The following BICC1 variants were observed in gnomAD, a reference collection of about 807,000 sequenced individuals.
The protein encoded by BICC1 is protein bicaudal C homolog 1.
In BICC1, 43 loss-of-function variants were observed where a neutral mutation model predicts 111.0. That is an observed-to-expected ratio of 0.39 (90% confidence interval 0.30 to 0.50). The LOEUF is 0.50. Ranked by LOEUF, BICC1 falls within the 20% of genes least tolerant of loss-of-function variation. The pLI, the probability that BICC1 is intolerant of heterozygous loss-of-function variation, is 0.88. For missense variants in BICC1, 1,091 were observed against 1,203.2 expected, an observed-to-expected ratio of 0.91 and a Z score of 1.38; for synonymous variants, 467 against 434.4, an observed-to-expected ratio of 1.07 and a Z score of -0.93.
At chr10:58,682,552 T>C (rs1216365265) in intron 2 of BICC1, among the ~76,000 whole-genome samples, 8 of 152,188 alleles carry the variant, frequency 5.3e-5, no homozygotes, top group Non-Finnish European at 1.0e-4. Context: ...TTTTTAATGA[T>C]TGCCATTCTA....
chr10:58,622,754 G>A (rs1202946220), intron 2 of BICC1, among the ~76,000 whole-genome samples: 1 of 152,200 alleles, frequency 6.6e-6, no homozygotes, highest in African/African-American at 2.4e-5. Context: ...AGACATTATG[G>A]TTCATCTACA....
chr10:58,828,810 C>T lies in BICC1; in HGVS notation c.2844C>T (p.Thr948=), dbSNP rs1000478323. ...TTTTTGAATCGCCAAATGCACGCACCTCTTTCCTGGAAGGTGGAGCGAGTG... is the reference window on the plus strand; with the variant it reads ...TTTTTGAATCGCCAAATGCACGCACTTCTTTCCTGGAAGGTGGAGCGAGTG... The part of the protein sequence containing the change: ...RKLFESPNAR[T]SFLEGGASGR... Residue 948 remains threonine (T), a synonymous_variant, in exon 21 of 21, where the codon ACC becomes ACT. Coordinates refer to ENST00000373886, the MANE Select transcript of BICC1 (RefSeq NM_001080512.3). 6.2e-7 allele frequency: 1 copy of T among 1,613,906 alleles called. No homozygotes were observed. Among genetic ancestry groups the T allele is most frequent in the Non-Finnish European group, 8.5e-7 (1 of 1,179,870 alleles).
At chr10:58,714,505 T>TA (rs1409164602) in intron 3 of BICC1, among the ~76,000 whole-genome samples, 1 of 152,212 alleles carries the variant, frequency 6.6e-6, no homozygotes, top group African/African-American at 2.4e-5. Context: ...TATGCCTTTG[T>TA]GCCTGCTTCA....
chr10:58,578,230 T>C (rs1408189973), intron 1 of BICC1, among the ~76,000 whole-genome samples: 1 of 152,238 alleles, frequency 6.6e-6, no homozygotes, highest in Non-Finnish European at 1.5e-5. Flanking sequence ...ATTTCAACTT[T>C]AATATCTTGA....
chr10:58,830,543 T>C lies in BICC1; in HGVS notation c.*1652T>C, dbSNP rs1844525258. The C allele has an allele frequency of 6.6e-6, 1 of 152,162 alleles. No homozygotes were observed. Among genetic ancestry groups the C allele is most frequent in the South Asian group, 2.1e-4 (1 of 4,828 alleles). The allele number at this position is 152,162 out of a possible 1,614,324, so 9.4% of individuals were successfully genotyped here. A position where few individuals can be genotyped will look rare whatever the true frequency, so the allele number is the denominator to read the frequency against. ...ATAAGAAATACTTGCCTGACACTTT[T>C]CCATGGCTGAGTCTGACCATTACAG... On this transcript the variant is annotated 3_prime_UTR_variant, in exon 21 of 21. Coordinates refer to ENST00000373886, the MANE Select transcript of BICC1 (RefSeq NM_001080512.3).
intron 3 of BICC1, among the ~76,000 whole-genome samples, chr10:58,742,303 G>A (rs1841693119): frequency 6.6e-6 from 1 of 151,968 alleles, no homozygotes; most frequent in Admixed American, 6.6e-5. Flanking sequence ...GAAGTATACT[G>A]TCTAGCTCTT....
In BICC1 at chr10:58,513,035, C is replaced by G. The variant is rs1202108782; in HGVS notation, c.-109C>G. 5 of 808,654 alleles carry G rather than the reference C, an allele frequency of 6.2e-6. No homozygotes were observed. The highest frequency in any genetic ancestry group is 1.8e-5 in the African/African-American group (1 of 54,720). The allele number at this position is 808,654 out of a possible 1,614,324, so 50.1% of individuals were successfully genotyped here. ...GGTGGCGTCGGCGGCTGCAGGGGGA[C>G]GAGCTAGCGCCGCGGCGCTGGGAGC... is the stretch of plus-strand genomic sequence containing the variant. On this transcript the variant is annotated 5_prime_UTR_variant, in exon 1 of 21. Coordinates refer to ENST00000373886, the MANE Select transcript of BICC1 (RefSeq NM_001080512.3).
intron 1 of BICC1, among the ~76,000 whole-genome samples, chr10:58,609,078 C>T (rs980959725): frequency 6.6e-6 from 1 of 152,170 alleles, no homozygotes; most frequent in Non-Finnish European, 1.5e-5. Context: ...CATGTTATTA[C>T]AAATACAAAA....
chr10:58,690,337 G>A (rs1341773740), intron 2 of BICC1, among the ~76,000 whole-genome samples: 1 of 152,328 alleles, frequency 6.6e-6, no homozygotes, highest in East Asian at 1.9e-4. Flanking sequence ...AAAGATCCAT[G>A]CAGAATTCTT....
At chr10:58,567,498 T>C (rs565959084) in intron 1 of BICC1, among the ~76,000 whole-genome samples, 198 of 151,938 alleles carry the variant, frequency 1.3e-3, no homozygotes, top group African/African-American at 4.5e-3. Flanking sequence ...ATGTATGTCT[T>C]TTGGGGTGTA....
At chr10:58,818,709 A>G (rs539782048) in intron 19 of BICC1, among the ~76,000 whole-genome samples, 62 of 151,988 alleles carry the variant, frequency 4.1e-4, no homozygotes, top group Non-Finnish European at 7.2e-4. Flanking sequence ...TTTCCCCTAC[A>G]TCTGAGTTAG....
intron 3 of BICC1, among the ~76,000 whole-genome samples, chr10:58,762,476 A>G (rs903597852): frequency 2.6e-5 from 4 of 152,146 alleles, no homozygotes; most frequent in Admixed American, 6.5e-5. Flanking sequence ...TATCTGGCCA[A>G]AAATGTGGTC....
chr10:58,527,487 A>G (rs1842575470), intron 1 of BICC1, among the ~76,000 whole-genome samples: 2 of 152,174 alleles, frequency 1.3e-5, no homozygotes, highest in Admixed American at 6.5e-5. Flanking sequence ...TTAGTCGTGA[A>G]GTCCTTGCCC....
chr10:58,710,663 T>G (rs1372679602), intron 3 of BICC1, among the ~76,000 whole-genome samples: 1 of 152,080 alleles, frequency 6.6e-6, no homozygotes, highest in Non-Finnish European at 1.5e-5. Context: ...TTTGAAAAAA[T>G]GAATTTGGAA....
chr10:58,557,344 C>CT (rs35079883), intron 1 of BICC1, among the ~76,000 whole-genome samples: 62,715 of 143,856 alleles, frequency 0.44, 14,903 homozygotes, highest in Admixed American at 0.62. Flanking sequence ...ATGACAGCGT[C>CT]TTTTTTTTTT....
intron 1 of BICC1, among the ~76,000 whole-genome samples, chr10:58,559,933 A>ATTT (rs747487102): frequency 8.0e-5 from 12 of 150,098 alleles, no homozygotes; most frequent in African/African-American, 4.9e-5. Context: ...ATGTTGTGTA[A>ATTT]TTTTTTGATG....
chr10:58,700,806 G>T (rs1387707316), intron 2 of BICC1, among the ~76,000 whole-genome samples: 2 of 152,174 alleles, frequency 1.3e-5, no homozygotes, highest in African/African-American at 4.8e-5. Flanking sequence ...GTTTCTCAGT[G>T]CCAGCCAAGC....
At chr10:58,722,874 T>A (rs528548829) in intron 3 of BICC1, among the ~76,000 whole-genome samples, 1 of 151,074 alleles carries the variant, frequency 6.6e-6, no homozygotes, top group East Asian at 2.0e-4. Context: ...AGATTGACAA[T>A]AGAGGAAATT....
chr10:58,589,530 G>C (rs1039508427), intron 1 of BICC1, among the ~76,000 whole-genome samples: 1 of 151,672 alleles, frequency 6.6e-6, no homozygotes, highest in African/African-American at 2.4e-5. Context: ...GGAGTGCAGT[G>C]GTGCAGTCAT....
Sources: allele counts gnomAD v4.1 joint callset (sites outside exome capture counted in the v4.1 genomes callset), GRCh38; gene constraint gnomAD v4.1.1; transcripts MANE v1.5; gene names NCBI Gene and HGNC (gene_info 2026-07-23, HGNC 2026-07-21).